MGAM2: variants seen among roughly 807,000 people sequenced by gnomAD.
MGAM2 encodes maltase-glucoamylase 2 (putative), also known as probable maltase-glucoamylase 2.
A neutral mutation model predicts 96.1 loss-of-function variants in MGAM2; 98 were observed. The ratio of observed to expected loss-of-function variants is 1.02; its 90% confidence interval spans 0.87 to 1.21. The LOEUF (loss-of-function observed/expected upper bound fraction) is 1.21, where lower values mean the gene tolerates loss of function less well. Among genes scored for constraint, MGAM2 ranks in the 50% most tolerant of loss-of-function variants. The probability of loss-of-function intolerance (pLI) is 0.00; values close to 1 mark genes in which losing one functional copy is unlikely to be tolerated. For synonymous variants in MGAM2, 749 were observed against 414.8 expected (o/e 1.81, Z -9.79); for missense variants, 2,055 against 1,182.4 (o/e 1.74, Z -10.82).
intron 45 of MGAM2, among the ~76,000 whole-genome samples, chr7:142,204,420 G>A (rs1797335756): frequency 6.6e-6 from 1 of 152,042 alleles, no homozygotes; most frequent in African/African-American, 2.4e-5. Flanking sequence ...TCAGAGCTCA[G>A]TTCAGTCTTT....
chr7:142,123,226 C>T (rs1794637922), intron 3 of MGAM2, among the ~76,000 whole-genome samples: 1 of 149,342 alleles, frequency 6.7e-6, no homozygotes, highest in Admixed American at 6.7e-5. Flanking sequence ...GAGTTTTCAT[C>T]TAGAGATTTT....
At chr7:142,211,152 A>C (rs1239191618) in intron 46 of MGAM2, among the ~76,000 whole-genome samples, 1 of 152,224 alleles carries the variant, frequency 6.6e-6, no homozygotes, top group East Asian at 1.9e-4. Context: ...CAACATCAAC[A>C]AAAAGGATGA....
chr7:142,164,269 C>T (rs1363443048), intron 23 of MGAM2, among the ~76,000 whole-genome samples: 2 of 152,152 alleles, frequency 1.3e-5, no homozygotes, highest in Non-Finnish European at 2.9e-5. Context: ...TCAACTGTGT[C>T]ACCTTTGTTC....
Position 142,161,167 on chromosome 7 carries a change from G to A in MGAM2, c.2388G>A (p.Lys796=), listed in dbSNP as rs756143231. 1.4e-6 allele frequency: 1 copy of A among 702,798 alleles called. No individual in the cohort carries two copies. The allele number at this position is 702,798 out of a possible 1,614,324, so 43.5% of individuals were successfully genotyped here. ...GACTCATCATCGCCTTGGACTATAA[G>A]AGAGAAGCAAAGGGGGAGCTGTACT... ...SLGLIIALDY[K]REAKGELYWD... Residue 796 remains lysine, a synonymous_variant, in exon 22 of 48, where the codon AAG becomes AAA. Coordinates refer to ENST00000477922, the MANE Select transcript of MGAM2 (RefSeq NM_001293626.2).
At chr7:142,117,286 G>C (rs1563244419) in intron 2 of MGAM2, among the ~76,000 whole-genome samples, 2 of 152,214 alleles carry the variant, frequency 1.3e-5, no homozygotes, top group East Asian at 1.9e-4. Flanking sequence ...CCTTCAATGA[G>C]AAAGGACTGT....
At chr7:142,153,445 A>G (rs1337611962) in intron 15 of MGAM2, among the ~76,000 whole-genome samples, 2 of 152,166 alleles carry the variant, frequency 1.3e-5, no homozygotes, top group Non-Finnish European at 2.9e-5. Context: ...AATGACTCTT[A>G]TTTTGCATAG....
rs748299647 is a variant in MGAM2, at chr7:142,183,950, CTTTTTTTTTTTTTTTTTTTTT to C, written c.3924+597_3924+617del. Reference sequence around the variant, plus strand: ...ACTGCTCTGGATGTATTCCAGGCTCCTTTTTTTTTTTTTTTTTTTTTTTTTTTTTTTTTTTTTTTTGAGATG... The same window carrying C: ...ACTGCTCTGGATGTATTCCAGGCTCCTTTTTTTTTTTTTTTTTTTGAGATG... On this transcript the variant is annotated intron_variant, in intron 33 of 47. Transcript: ENST00000477922. Among the ~76,000 whole-genome samples the C allele has an allele frequency of 4.6e-3, 211 of 46,132 alleles. 1 individual carries two copies. Among genetic ancestry groups the C allele is most frequent in the African/African-American group, 0.01 (185 of 17,788 alleles). The allele number at this position is 46,132 out of a possible 152,430, so 30.3% of individuals were successfully genotyped here.
At chr7:142,207,951 G>C (rs932993210) in intron 45 of MGAM2, among the ~76,000 whole-genome samples, 7 of 152,118 alleles carry the variant, frequency 4.6e-5, no homozygotes, top group Admixed American at 3.3e-4. Context: ...GCTAAGAGTA[G>C]GGAGAGAAGA....
In MGAM2 at chr7:142,189,403, C is replaced by A. The variant is rs1044004312; in HGVS notation, c.4244C>A (p.Thr1415Asn). 3 of 721,278 alleles carry A rather than the reference C, an allele frequency of 4.2e-6. No individual in the cohort carries two copies. Among genetic ancestry groups the A allele is most frequent in the Non-Finnish European group, 7.7e-6 (3 of 391,884 alleles). 44.7% of individuals were successfully genotyped at this position (721,278 alleles called of 1,614,324 possible). A position where few individuals can be genotyped will look rare whatever the true frequency, so the allele number is the denominator to read the frequency against. The change falls in exon 37 of 48, where the codon ACT (threonine) becomes AAT (asparagine). Residue 1415 changes from threonine to asparagine, a missense_variant. Coordinates refer to ENST00000477922, the MANE Select transcript of MGAM2 (RefSeq NM_001293626.2). ...AGGGACAAGGGCCTGAGCAGCAAGA[C>A]TCTGTGCATGGAGAGTCAGCAGATC... The part of the protein sequence containing the change: ...ESRDKGLSSK[T>N]LCMESQQILP...
chr7:142,184,420 G>A (rs1796634418), intron 33 of MGAM2, among the ~76,000 whole-genome samples: 1 of 152,114 alleles, frequency 6.6e-6, no homozygotes, highest in Admixed American at 6.5e-5. Context: ...CTTCAGTATA[G>A]CATACAGTGT....
At chr7:142,131,209 G>A (rs1256201337) in intron 4 of MGAM2, 138 bp downstream of exon 4, 15 of 618,358 alleles carry the variant, frequency 2.4e-5, no homozygotes, top group Admixed American at 2.6e-5. Flanking sequence ...AGAGGCTGAC[G>A]TGGGTGGATC....
chr7:142,151,329 G>C (rs993908648), intron 15 of MGAM2, among the ~76,000 whole-genome samples: 5 of 152,158 alleles, frequency 3.3e-5, no homozygotes, highest in Non-Finnish European at 7.3e-5. Context: ...CATTACATTA[G>C]ATTATCCAGA....
At chr7:142,201,289 C>T (rs1160850204) in intron 45 of MGAM2, among the ~76,000 whole-genome samples, 1 of 151,554 alleles carries the variant, frequency 6.6e-6, no homozygotes, top group African/African-American at 2.4e-5. Context: ...AGGCTGGTCT[C>T]GAACTCTTGG....
At chr7:142,212,983 TC>T (rs1797637393) in intron 46 of MGAM2, among the ~76,000 whole-genome samples, 1 of 151,590 alleles carries the variant, frequency 6.6e-6, no homozygotes, top group Non-Finnish European at 1.5e-5. Context: ...TAACAAAGAG[TC>T]TCTCAGACCG....
intron 6 of MGAM2, among the ~76,000 whole-genome samples, chr7:142,132,791 T>C (rs1321322508): frequency 1.6e-5 from 2 of 126,098 alleles, no homozygotes; most frequent in African/African-American, 6.3e-5. Context: ...TATAATTACA[T>C]GTCATATAAT....
chr7:142,168,294 A>G (rs1461512330), intron 26 of MGAM2, among the ~76,000 whole-genome samples: 3 of 145,328 alleles, frequency 2.1e-5, no homozygotes, highest in African/African-American at 7.7e-5. Context: ...TTTGAGACAG[A>G]GTTTTGCTCT....
chr7:142,196,502 C>A, intron 38 of MGAM2, 63 bp from the exon 39 acceptor site: 1 of 704,050 alleles, frequency 1.4e-6, no homozygotes, highest in Non-Finnish European at 2.6e-6. Flanking sequence ...AAAATCAGGC[C>A]AAGCCTTCAC....
intron 3 of MGAM2, among the ~76,000 whole-genome samples, 167 bp downstream of exon 3, chr7:142,120,548 A>G (rs139133272): frequency 6.6e-6 from 1 of 152,272 alleles, no homozygotes; most frequent in East Asian, 1.9e-4. Flanking sequence ...TCGTGAGGGA[A>G]GCAGGGTTGA....
intron 34 of MGAM2, among the ~76,000 whole-genome samples, chr7:142,185,742 T>C (rs1796674365): frequency 6.6e-6 from 1 of 152,210 alleles, no homozygotes; most frequent in Non-Finnish European, 1.5e-5. Context: ...TGTGATTACA[T>C]GTCCAGTTAT....
Sources: allele counts gnomAD v4.1 joint callset (sites outside exome capture counted in the v4.1 genomes callset), GRCh38; gene constraint gnomAD v4.1.1; transcripts MANE v1.5; gene names NCBI Gene and HGNC (gene_info 2026-07-23, HGNC 2026-07-21).